NBAS: variants seen among roughly 807,000 people sequenced by gnomAD.
NBAS encodes the protein NAG/BC035112 fusion.
A neutral mutation model predicts 302.5 loss-of-function variants in NBAS; 219 were observed. That is an observed-to-expected ratio of 0.72 (90% CI 0.65 to 0.81). The LOEUF is 0.81. Among genes scored for constraint, NBAS ranks in the 30% least tolerant of loss-of-function variants. NBAS has a pLI of 0.00. For synonymous variants in NBAS, 1,118 were observed against 1,021.6 expected (o/e 1.09, Z -1.80); for missense variants, 2,932 against 2,841.6 (o/e 1.03, Z -0.72).
At chr2:15,025,108 G>C in the NBAS span, among the ~76,000 whole-genome samples, 3 of 152,066 alleles carry the variant, frequency 2.0e-5, no homozygotes, top group Admixed American at 6.6e-5. Context: ...TTTGCATTTA[G>C]GTATATTTAA....
In NBAS at chr2:15,518,373, G is replaced by A. The variant is rs1662505669; in HGVS notation, c.747-7023C>T. The stretch of plus-strand genomic sequence containing the variant: ...GTAGCAAATAATTTATATCATTAGC[G>A]TTATTTGTTTTTGCATTAAATTCCT... On this transcript the variant is annotated intron_variant, in intron 9 of 51. Transcript: ENST00000281513. Among the ~76,000 whole-genome samples, 3 of 152,144 alleles carry A rather than the reference G, an allele frequency of 2.0e-5. No homozygotes were observed. In the South Asian group the frequency reaches 6.2e-4, roughly 32 times the overall value.
At chr2:15,514,114 C>A (rs1411123046) in intron 9 of NBAS, among the ~76,000 whole-genome samples, 2 of 152,152 alleles carry the variant, frequency 1.3e-5, no homozygotes, top group Non-Finnish European at 2.9e-5. Flanking sequence ...TAGAAATACA[C>A]ACTGAGATAT....
At chr2:15,286,352 G>A (rs933701534) in intron 42 of NBAS, among the ~76,000 whole-genome samples, 4 of 152,182 alleles carry the variant, frequency 2.6e-5, no homozygotes, top group East Asian at 1.9e-4. Flanking sequence ...GTCATATTAT[G>A]TCCTTGTTCA....
chr2:15,071,946 T>G, the NBAS span, among the ~76,000 whole-genome samples: 1 of 152,226 alleles, frequency 6.6e-6, no homozygotes, highest in Admixed American at 6.5e-5. Context: ...ATTGATTACA[T>G]CTTTGTCCCT....
At chr2:15,483,391 T>C in intron 12 of NBAS, 1 of 419,624 alleles carries the variant, frequency 2.4e-6, no homozygotes, top group Non-Finnish European at 4.9e-6. Context: ...AAAAAGAAAA[T>C]AAAATGACAA....
At chr2:15,261,965 C>A (rs1402546094) in intron 44 of NBAS, among the ~76,000 whole-genome samples, 6 of 152,120 alleles carry the variant, frequency 3.9e-5, no homozygotes, top group Admixed American at 2.0e-4. Context: ...CTTATCCTAA[C>A]ACTTCAAACT....
At chr2:14,797,263 G>T in the NBAS span, among the ~76,000 whole-genome samples, 1 of 152,080 alleles carries the variant, frequency 6.6e-6, no homozygotes, top group Non-Finnish European at 1.5e-5. Context: ...TGCCCTGCTC[G>T]CCCTCCAGCT....
At chr2:15,406,673 G>A (rs1024131679) in intron 25 of NBAS, among the ~76,000 whole-genome samples, 2 of 152,026 alleles carry the variant, frequency 1.3e-5, no homozygotes, top group African/African-American at 4.8e-5. Flanking sequence ...TTAGTTACAC[G>A]AATATGTAAG....
intron 35 of NBAS, among the ~76,000 whole-genome samples, chr2:15,338,370 T>G (rs1045317997): frequency 6.6e-6 from 1 of 152,204 alleles, no homozygotes; most frequent in African/African-American, 2.4e-5. Flanking sequence ...TCCCTCCACC[T>G]AACCCTTACT....
the NBAS span, among the ~76,000 whole-genome samples, chr2:15,058,981 C>T: frequency 6.6e-6 from 1 of 152,210 alleles, no homozygotes; most frequent in Non-Finnish European, 1.5e-5. Flanking sequence ...GTATCTGCTT[C>T]TAGCCCATCT....
the NBAS span, among the ~76,000 whole-genome samples, chr2:15,142,850 G>C: frequency 2.0e-5 from 3 of 152,214 alleles, 1 homozygote; most frequent in African/African-American, 7.2e-5. Flanking sequence ...CTAGCGTACA[G>C]ATGAGGGCAA....
At chr2:15,253,876 A>C (rs965260136) in intron 44 of NBAS, among the ~76,000 whole-genome samples, 9 of 152,022 alleles carry the variant, frequency 5.9e-5, no homozygotes, top group Non-Finnish European at 1.2e-4. Flanking sequence ...AATTTAGCCA[A>C]CCCCCATCTT....
intron 48 of NBAS, among the ~76,000 whole-genome samples, chr2:15,194,902 A>C (rs1665545141): frequency 6.6e-6 from 1 of 152,230 alleles, no homozygotes; most frequent in African/African-American, 2.4e-5. Flanking sequence ...CATAAATTGG[A>C]AAGAAAAAAT....
downstream of NBAS, among the ~76,000 whole-genome samples, chr2:15,165,111 G>A (rs1157359434): frequency 6.6e-6 from 1 of 152,234 alleles, no homozygotes; most frequent in Non-Finnish European, 1.5e-5. Context: ...AAGGTCTCAG[G>A]AGGGATTCTG....
chr2:14,974,537 C>G, the NBAS span, among the ~76,000 whole-genome samples: 6 of 152,320 alleles, frequency 3.9e-5, no homozygotes, highest in South Asian at 1.2e-3. Context: ...TTTCTGTCAA[C>G]AGATTCCTAT....
the NBAS span, among the ~76,000 whole-genome samples, chr2:15,066,797 C>T: frequency 1.3e-5 from 2 of 152,058 alleles, no homozygotes; most frequent in Non-Finnish European, 2.9e-5. Flanking sequence ...CAATATGGAA[C>T]TTCTTCAAAA....
chr2:15,192,631 G>A (rs1471132821), intron 48 of NBAS, among the ~76,000 whole-genome samples: 1 of 152,094 alleles, frequency 6.6e-6, no homozygotes, highest in East Asian at 1.9e-4. Context: ...TCTGAAAAAT[G>A]GGTTCCAAAA....
intron 9 of NBAS, among the ~76,000 whole-genome samples, chr2:15,532,920 TA>T (rs1663291566): frequency 6.6e-6 from 1 of 152,052 alleles, no homozygotes; most frequent in Admixed American, 6.5e-5. Context: ...CTAGATTATA[TA>T]AAAATGTCAA....
the NBAS span, among the ~76,000 whole-genome samples, chr2:14,848,974 GA>G: frequency 0.19 from 28,144 of 146,036 alleles, 3,873 homozygotes; most frequent in African/African-American, 0.44. Flanking sequence ...CAAAGATGGG[GA>G]AAAAACAGAA....
Sources: allele counts gnomAD v4.1 joint callset (sites outside exome capture counted in the v4.1 genomes callset), GRCh38; gene constraint gnomAD v4.1.1; transcripts MANE v1.5; gene names NCBI Gene and HGNC (gene_info 2026-07-23, HGNC 2026-07-21).